The following SLC24A2 variants were observed in gnomAD, a reference collection of about 807,000 sequenced individuals.
SLC24A2 encodes solute carrier family 24 member 2, also known as sodium/potassium/calcium exchanger 2.
In SLC24A2, 36 loss-of-function variants were observed where a neutral mutation model predicts 62.0. The ratio of observed to expected loss-of-function variants is 0.58; its 90% CI spans 0.44 to 0.77. SLC24A2 has a LOEUF of 0.77. Ranked by LOEUF, SLC24A2 falls within the 30% of genes least tolerant of loss-of-function variation. The probability of loss-of-function intolerance (pLI) is 0.00; values close to 1 mark genes in which losing one functional copy is unlikely to be tolerated. For synonymous variants in SLC24A2, 358 were observed against 294.0 expected (o/e 1.22, Z -2.23); for missense variants, 846 against 817.9 (o/e 1.03, Z -0.42).
intron 2 of SLC24A2, among the ~76,000 whole-genome samples, chr9:19,656,654 TTC>T (rs1818952345): frequency 6.6e-6 from 1 of 152,224 alleles, no homozygotes; most frequent in Non-Finnish European, 1.5e-5. Context: ...CTCATGCTGC[TTC>T]TGTGTTCTTT....
At chr9:20,030,653 C>T in the SLC24A2 span, among the ~76,000 whole-genome samples, 50 of 152,208 alleles carry the variant, frequency 3.3e-4, no homozygotes, top group Non-Finnish European at 6.5e-4. Context: ...CACTTACAGA[C>T]TTTTCAGTAT....
At chr9:20,238,948 A>G in the SLC24A2 span, among the ~76,000 whole-genome samples, 8 of 152,202 alleles carry the variant, frequency 5.3e-5, no homozygotes, top group African/African-American at 1.7e-4. Flanking sequence ...GACCTCAGAG[A>G]AAAGGCCACG....
chr9:19,725,572 T>A (rs1383171723), intron 2 of SLC24A2, among the ~76,000 whole-genome samples: 1 of 152,210 alleles, frequency 6.6e-6, no homozygotes, highest in Non-Finnish European at 1.5e-5. Flanking sequence ...AGCACAGCAT[T>A]TTTTTACAGC....
the SLC24A2 span, among the ~76,000 whole-genome samples, chr9:19,812,525 T>C: frequency 2.0e-5 from 3 of 152,202 alleles, no homozygotes; most frequent in Admixed American, 1.3e-4. Flanking sequence ...ATTCTTTTTA[T>C]GAATTCTAAT....
At chr9:19,833,511 T>G in the SLC24A2 span, among the ~76,000 whole-genome samples, 2 of 152,082 alleles carry the variant, frequency 1.3e-5, no homozygotes, top group Non-Finnish European at 2.9e-5. Context: ...AACTGCAAGG[T>G]GGCAGCGAGG....
At chr9:20,267,336 T>A in the SLC24A2 span, among the ~76,000 whole-genome samples, 1 of 152,058 alleles carries the variant, frequency 6.6e-6, no homozygotes, top group Non-Finnish European at 1.5e-5. Flanking sequence ...TCCTGGTAAG[T>A]TTGGAATAAG....
Position 19,576,979 on chromosome 9 carries a change from C to T in SLC24A2, c.1173G>A (p.Lys391=), listed in dbSNP as rs1252351737. Residue 391 remains lysine (K), a synonymous_variant, in exon 6 of 11, where the codon AAG becomes AAA. Transcript: ENST00000341998. ...CGTTCTCATCCACATGACATTTCTT[C>T]TTGGCGATCTTGTGGAGAATTGAAG... The part of the protein sequence containing the change: ...EKASILHKIA[K]KKCHVDENER... 1.2e-6 allele frequency: 2 copies of T among 1,614,186 alleles called. No individual in the cohort carries two copies. The highest frequency in any genetic ancestry group is 1.7e-6 in the Non-Finnish European group (2 of 1,180,016).
chr9:20,261,100 C>T, the SLC24A2 span, among the ~76,000 whole-genome samples: 6 of 151,828 alleles, frequency 4.0e-5, no homozygotes, highest in Non-Finnish European at 7.4e-5. Flanking sequence ...GTGATCTGCC[C>T]GCCTCAGCCC....
chr9:20,220,205 C>G, the SLC24A2 span, among the ~76,000 whole-genome samples: 1 of 152,134 alleles, frequency 6.6e-6, no homozygotes, highest in African/African-American at 2.4e-5. Context: ...AGGTCAATGA[C>G]TGCAACCTAT....
the SLC24A2 span, among the ~76,000 whole-genome samples, chr9:19,949,022 C>A: frequency 2.6e-5 from 4 of 151,602 alleles, no homozygotes; most frequent in Non-Finnish European, 5.9e-5. Context: ...GAGACGGAGT[C>A]TTACTCTGTT....
the SLC24A2 span, among the ~76,000 whole-genome samples, chr9:20,185,151 T>G: frequency 6.6e-6 from 1 of 152,078 alleles, no homozygotes; most frequent in Non-Finnish European, 1.5e-5. Flanking sequence ...AGAGGAGGAA[T>G]AAGTTCAAGA....
At chr9:20,029,896 T>C in the SLC24A2 span, among the ~76,000 whole-genome samples, 1 of 152,068 alleles carries the variant, frequency 6.6e-6, no homozygotes, top group African/African-American at 2.4e-5. Context: ...AGCAGTTATA[T>C]TATGGTGTGA....
intron 2 of SLC24A2, among the ~76,000 whole-genome samples, chr9:19,679,838 CTGTGTGTGTGTGTG>C (rs58253967): frequency 0.019 from 2,738 of 142,248 alleles, 39 homozygotes; most frequent in Non-Finnish European, 0.03. Flanking sequence ...CTCACATATA[CTGTGTGTGTGTGTG>C]TGTGTGTGTG....
At chr9:20,008,732 A>G in the SLC24A2 span, among the ~76,000 whole-genome samples, 1 of 152,124 alleles carries the variant, frequency 6.6e-6, no homozygotes, top group South Asian at 2.1e-4. Flanking sequence ...TCATGCCCCA[A>G]ATTCCAAATT....
intron 2 of SLC24A2, among the ~76,000 whole-genome samples, chr9:19,754,681 G>A (rs539053240): frequency 1.2e-4 from 18 of 147,768 alleles, no homozygotes; most frequent in Non-Finnish European, 2.5e-4. Flanking sequence ...GTGGTGTTTT[G>A]TAACTAGGAT....
chr9:19,902,623 C>A, the SLC24A2 span, among the ~76,000 whole-genome samples: 8 of 152,066 alleles, frequency 5.3e-5, no homozygotes, highest in African/African-American at 1.9e-4. Flanking sequence ...AATAAAGGCT[C>A]ATTCTGGAAG....
chr9:19,623,677 C>T (rs761582826), intron 2 of SLC24A2, among the ~76,000 whole-genome samples: 1 of 152,212 alleles, frequency 6.6e-6, no homozygotes, highest in Non-Finnish European at 1.5e-5. Context: ...TGAAATTCAA[C>T]ACTTAATGAG....
chr9:19,741,211 G>C (rs951249667), intron 2 of SLC24A2, among the ~76,000 whole-genome samples: 2 of 152,116 alleles, frequency 1.3e-5, no homozygotes, highest in Non-Finnish European at 2.9e-5. Flanking sequence ...GTATTTTCAG[G>C]CTTTGTGACA....
intron 2 of SLC24A2, among the ~76,000 whole-genome samples, chr9:19,723,049 T>C (rs184943186): frequency 6.2e-4 from 95 of 152,210 alleles, no homozygotes; most frequent in African/African-American, 2.1e-3. Context: ...AAACAGCACA[T>C]AAAATATTGG....
Sources: gnomAD v4.1 joint callset for allele counts (sites outside exome capture counted in the v4.1 genomes callset) on GRCh38, gnomAD v4.1.1 for gene constraint, MANE v1.5 for transcripts, NCBI Gene and HGNC (gene_info 2026-07-23, HGNC 2026-07-21) for gene names.